The following KCNH1 variants were observed in gnomAD, a reference collection of about 807,000 sequenced individuals.
KCNH1 encodes voltage-gated delayed rectifier potassium channel KCNH1.
In KCNH1, 27 loss-of-function variants were observed where a neutral mutation model predicts 69.2. The observed-to-expected ratio is 0.39, with a 90% CI of 0.29 to 0.54. KCNH1 has a LOEUF of 0.54. KCNH1 is among the 20% of genes least tolerant of loss of function. KCNH1 has a pLI of 0.68. For synonymous variants in KCNH1, 456 were observed against 487.7 expected (o/e 0.93, Z 0.86); for missense variants, 798 against 1,261.6 (o/e 0.63, Z 5.57).
chr1:210,874,723 T>C (rs1423842802), intron 7 of KCNH1, among the ~76,000 whole-genome samples: 3 of 152,170 alleles, frequency 2.0e-5, no homozygotes, highest in Admixed American at 6.5e-5. Flanking sequence ...TATAGCAGCA[T>C]ACATACATAT....
chr1:210,932,656 A>G (rs1470883404), intron 6 of KCNH1, among the ~76,000 whole-genome samples: 1 of 152,138 alleles, frequency 6.6e-6, no homozygotes, highest in African/African-American at 2.4e-5. Context: ...AAAAGAAGGA[A>G]TGGAAAAAAA....
At chr1:210,877,139 CA>C (rs1307805265) in intron 7 of KCNH1, among the ~76,000 whole-genome samples, 1 of 150,574 alleles carries the variant, frequency 6.6e-6, no homozygotes, top group South Asian at 2.1e-4. Flanking sequence ...AATTTGTTTG[CA>C]AAAAATGCTA....
intron 6 of KCNH1, among the ~76,000 whole-genome samples, chr1:210,933,710 T>C (rs1313379216): frequency 1.3e-5 from 2 of 151,954 alleles, no homozygotes; most frequent in East Asian, 1.9e-4. Context: ...GACATTACAA[T>C]GGATAACACA....
chr1:210,957,647 T>A (rs988406211), intron 6 of KCNH1, among the ~76,000 whole-genome samples: 4 of 152,226 alleles, frequency 2.6e-5, no homozygotes, highest in Admixed American at 2.0e-4. Flanking sequence ...CTTGTTGAAT[T>A]ATTCTCTTTA....
intron 4 of KCNH1, among the ~76,000 whole-genome samples, chr1:211,085,006 T>A (rs547409841): frequency 1.3e-5 from 2 of 152,314 alleles, no homozygotes; most frequent in African/African-American, 4.8e-5. Context: ...GAGTACAGAA[T>A]GCTGTGGCCA....
At chr1:210,933,757 G>C (rs767858937) in intron 6 of KCNH1, among the ~76,000 whole-genome samples, 4 of 152,028 alleles carry the variant, frequency 2.6e-5, no homozygotes, top group Non-Finnish European at 5.9e-5. Flanking sequence ...TTATAAACAG[G>C]AACCATCACA....
chr1:210,857,628 G>A (rs1235669406), intron 7 of KCNH1, among the ~76,000 whole-genome samples: 1 of 152,112 alleles, frequency 6.6e-6, no homozygotes. Flanking sequence ...ATATGCATTT[G>A]TTTTTATAGT....
chr1:210,917,828 G>T (rs1687379896), intron 7 of KCNH1, among the ~76,000 whole-genome samples: 2 of 152,186 alleles, frequency 1.3e-5, no homozygotes, highest in Non-Finnish European at 2.9e-5. Context: ...TGCAGTTAAG[G>T]CTGAAACAGT....
chr1:210,798,024 T>G (rs1365611923), intron 8 of KCNH1, among the ~76,000 whole-genome samples: 1 of 148,784 alleles, frequency 6.7e-6, no homozygotes, highest in Non-Finnish European at 1.5e-5. Flanking sequence ...CAGAGAAGGC[T>G]TCTCTGGGAA....
intron 7 of KCNH1, among the ~76,000 whole-genome samples, chr1:210,843,362 T>C (rs1685464018): frequency 6.6e-6 from 1 of 152,162 alleles, no homozygotes; most frequent in South Asian, 2.1e-4. Context: ...TATTGTATAA[T>C]TTATTAAGAA....
At chr1:211,059,009 G>A (rs765831651) in intron 5 of KCNH1, among the ~76,000 whole-genome samples, 1 of 152,156 alleles carries the variant, frequency 6.6e-6, no homozygotes, top group Non-Finnish European at 1.5e-5. Context: ...AGCCAGGTGC[G>A]GTGGCTCACG....
intron 10 of KCNH1, among the ~76,000 whole-genome samples, chr1:210,773,034 A>G (rs1013300068): frequency 1.3e-5 from 2 of 152,194 alleles, no homozygotes; most frequent in Non-Finnish European, 2.9e-5. Flanking sequence ...ACTCCTCCAA[A>G]TAACCCAAAC....
chr1:211,055,718 C>T (rs1369222654), intron 5 of KCNH1, among the ~76,000 whole-genome samples: 1 of 152,190 alleles, frequency 6.6e-6, no homozygotes, highest in African/African-American at 2.4e-5. Flanking sequence ...AGGATACCAG[C>T]TCAGCCACAG....
intron 5 of KCNH1, among the ~76,000 whole-genome samples, chr1:211,059,586 A>G (rs984003655): frequency 6.6e-6 from 1 of 151,942 alleles, no homozygotes; most frequent in Non-Finnish European, 1.5e-5. Flanking sequence ...ACTAAAAAAT[A>G]TAAAAAATTA....
chr1:211,049,881 C>T (rs1240192431), intron 5 of KCNH1, among the ~76,000 whole-genome samples: 1 of 152,136 alleles, frequency 6.6e-6, no homozygotes, highest in African/African-American at 2.4e-5. Context: ...AGATCCCCAT[C>T]TCTCAGGAGT....
intron 6 of KCNH1, among the ~76,000 whole-genome samples, chr1:210,981,342 C>T (rs1193985409): frequency 1.6e-5 from 2 of 128,664 alleles, no homozygotes; most frequent in Non-Finnish European, 3.1e-5. Context: ...GCTCCTCAGT[C>T]CATGAATGAG....
intron 6 of KCNH1, among the ~76,000 whole-genome samples, chr1:211,003,961 T>C (rs565791462): frequency 3.3e-5 from 5 of 151,716 alleles, no homozygotes; most frequent in Admixed American, 2.0e-4. Context: ...GGCGAGGTGG[T>C]GGGCGCCTGT....
At chr1:210,971,343 G>A (rs969487537) in intron 6 of KCNH1, among the ~76,000 whole-genome samples, 6 of 152,078 alleles carry the variant, frequency 3.9e-5, no homozygotes, top group Non-Finnish European at 1.5e-5. Context: ...AAGTTATTTA[G>A]AGCATTGTGT....
chr1:210,825,952 T>G (rs1685023494), intron 7 of KCNH1, among the ~76,000 whole-genome samples: 1 of 152,234 alleles, frequency 6.6e-6, no homozygotes, highest in Non-Finnish European at 1.5e-5. Context: ...GGTGTACAAT[T>G]CAAATAAATG....
Sources: gnomAD v4.1 joint callset for allele counts (sites outside exome capture counted in the v4.1 genomes callset) on GRCh38, gnomAD v4.1.1 for gene constraint, MANE v1.5 for transcripts, NCBI Gene and HGNC (gene_info 2026-07-23, HGNC 2026-07-21) for gene names.